FAF1: variants seen among roughly 807,000 people sequenced by gnomAD.
The protein encoded by FAF1 is Fas associated factor 1.
In FAF1, 25 loss-of-function variants were observed where a neutral mutation model predicts 92.5. The ratio of observed to expected loss-of-function variants is 0.27; its 90% confidence interval spans 0.20 to 0.38. FAF1 has a LOEUF of 0.38. Among genes scored for constraint, FAF1 ranks in the 10% least tolerant of loss-of-function variants. FAF1 has a pLI of 1.00. For missense variants in FAF1, 636 were observed against 793.3 expected (o/e 0.80, Z 2.38); for synonymous variants, 234 against 273.2 (o/e 0.86, Z 1.42).
In FAF1 at chr1:50,590,567, A is replaced by C. The variant is rs369878989; in HGVS notation, c.840+5554T>G. Among the ~76,000 whole-genome samples, 161 of 152,360 alleles carry C rather than the reference A, an allele frequency of 1.1e-3. 1 individual carries two copies. The highest frequency in any genetic ancestry group is 6.8e-3 in the Middle Eastern group (2 of 294). ...AAATGTAATCTTTGGAGTTGTCTAC[A>C]TATAAAATTATCCTCAGTGAACAGA... On this transcript the variant is annotated intron_variant, in intron 9 of 18. Transcript: ENST00000396153.
intron 5 of FAF1, among the ~76,000 whole-genome samples, chr1:50,741,275 T>A (rs1203727932): frequency 6.6e-6 from 1 of 152,208 alleles, no homozygotes; most frequent in Non-Finnish European, 1.5e-5. Flanking sequence ...TTGAATAGCA[T>A]CTGTCAGACA....
chr1:50,690,958 C>T lies in FAF1; in HGVS notation c.657+14828G>A, dbSNP rs554948098. Among the ~76,000 whole-genome samples the T allele has an allele frequency of 7.2e-5, 11 of 152,150 alleles. No individual in the cohort carries two copies. The South Asian group carries it at 2.3e-3, about 32-fold the overall frequency. ...GAAAATATTCCATTGTATGGATATA[C>T]CACATTTTGTTTATCCATTCATTCA... On this transcript the variant is annotated intron_variant, in intron 7 of 18. Transcript: ENST00000396153.
intron 1 of FAF1, among the ~76,000 whole-genome samples, chr1:50,871,608 G>A (rs1375591466): frequency 1.3e-5 from 2 of 152,022 alleles, no homozygotes; most frequent in African/African-American, 2.4e-5. Flanking sequence ...TTACCATATG[G>A]GTTACTCAAT....
intron 1 of FAF1, among the ~76,000 whole-genome samples, chr1:50,910,611 G>T (rs1644876782): frequency 6.6e-6 from 1 of 152,034 alleles, no homozygotes; most frequent in South Asian, 2.1e-4. Context: ...CAGCCTTGCT[G>T]TGGCCTTGCA....
intron 6 of FAF1, among the ~76,000 whole-genome samples, chr1:50,732,179 A>G (rs1304686011): frequency 6.6e-6 from 1 of 152,036 alleles, no homozygotes; most frequent in African/African-American, 2.4e-5. Flanking sequence ...GGTTCACGCC[A>G]TTCTCCCACC....
chr1:50,843,213 G>A (rs1570039096), intron 2 of FAF1, among the ~76,000 whole-genome samples: 1 of 152,080 alleles, frequency 6.6e-6, no homozygotes, highest in Admixed American at 6.5e-5. Context: ...TGTCACATAT[G>A]TGATAAGAGG....
intron 1 of FAF1, 145 bp from the exon 2 acceptor site, chr1:50,858,142 T>A (rs1644404977): frequency 3.9e-6 from 2 of 510,340 alleles, no homozygotes; most frequent in Non-Finnish European, 7.0e-6. Context: ...TTAACACTTC[T>A]AAGCATTTTA....
chr1:50,773,548 T>C (rs1482807739), intron 4 of FAF1, among the ~76,000 whole-genome samples: 13 of 152,190 alleles, frequency 8.5e-5, no homozygotes, highest in Admixed American at 8.5e-4. Context: ...CTAGAGAACA[T>C]TCTGCTAAGT....
chr1:50,556,458 G>T (rs1181729428), intron 13 of FAF1, among the ~76,000 whole-genome samples: 1 of 151,972 alleles, frequency 6.6e-6, no homozygotes, highest in Non-Finnish European at 1.5e-5. Flanking sequence ...TGAAAGACGG[G>T]TATGCTAAAA....
intron 2 of FAF1, among the ~76,000 whole-genome samples, chr1:50,811,601 G>A (rs1643913297): frequency 6.6e-6 from 1 of 152,164 alleles, no homozygotes; most frequent in Non-Finnish European, 1.5e-5. Context: ...TCATCAATAG[G>A]AAGAATCAAT....
At chr1:50,849,467 T>C (rs931547854) in intron 2 of FAF1, among the ~76,000 whole-genome samples, 1 of 152,126 alleles carries the variant, frequency 6.6e-6, no homozygotes, top group Non-Finnish European at 1.5e-5. Flanking sequence ...ATTATACATT[T>C]TAAAATATTA....
intron 12 of FAF1, among the ~76,000 whole-genome samples, chr1:50,576,224 C>G (rs2149062251): frequency 6.6e-6 from 1 of 152,328 alleles, no homozygotes; most frequent in Admixed American, 6.5e-5. Flanking sequence ...AAAACAACCT[C>G]TATAAAGTAA....
chr1:50,596,494 A>G (rs1475181335), intron 8 of FAF1, among the ~76,000 whole-genome samples: 3 of 152,098 alleles, frequency 2.0e-5, no homozygotes, highest in South Asian at 4.1e-4. Flanking sequence ...CTTGCCCCCA[A>G]TCCCCCACTG....
At chr1:50,576,156 C>T (rs986567460) in intron 12 of FAF1, among the ~76,000 whole-genome samples, 12 of 152,162 alleles carry the variant, frequency 7.9e-5, no homozygotes, top group African/African-American at 2.7e-4. Context: ...CTTAATGGCA[C>T]CATCTGTCTT....
chr1:50,904,302 T>C (rs1557582606), intron 1 of FAF1, among the ~76,000 whole-genome samples: 1 of 152,096 alleles, frequency 6.6e-6, no homozygotes, highest in Non-Finnish European at 1.5e-5. Flanking sequence ...TATGAGGTAC[T>C]AGAGTAGTCA....
intron 8 of FAF1, among the ~76,000 whole-genome samples, chr1:50,618,722 T>C (rs941283654): frequency 2.0e-5 from 3 of 152,018 alleles, no homozygotes; most frequent in Admixed American, 6.6e-5. Context: ...CTAACATTTG[T>C]TTTATCGAAT....
At chr1:50,927,281 T>A (rs77141271) in intron 1 of FAF1, among the ~76,000 whole-genome samples, 1 of 152,058 alleles carries the variant, frequency 6.6e-6, no homozygotes, top group African/African-American at 2.4e-5. Context: ...ATTTTTTTTT[T>A]AAAGCTTACT....
At chr1:50,576,378 G>T (rs1650734602) in intron 12 of FAF1, among the ~76,000 whole-genome samples, 1 of 152,174 alleles carries the variant, frequency 6.6e-6, no homozygotes, top group South Asian at 2.1e-4. Flanking sequence ...CTGGTGTGAA[G>T]TCAGATCTTT....
At chr1:50,887,216 T>C (rs1644673642) in intron 1 of FAF1, among the ~76,000 whole-genome samples, 1 of 152,224 alleles carries the variant, frequency 6.6e-6, no homozygotes, top group South Asian at 2.1e-4. Flanking sequence ...CGCCCACTTG[T>C]TGATGGGGTT....
Sources: gnomAD v4.1 joint callset for allele counts (sites outside exome capture counted in the v4.1 genomes callset) on GRCh38, gnomAD v4.1.1 for gene constraint, MANE v1.5 for transcripts, NCBI Gene and HGNC (gene_info 2026-07-23, HGNC 2026-07-21) for gene names.